ANO2: variants seen among roughly 807,000 people sequenced by gnomAD.
The protein encoded by ANO2 is anoctamin 2.
ANO2 carries 101 observed loss-of-function variants against 124.2 expected under a neutral mutation model. The observed-to-expected ratio is 0.81, with a 90% CI of 0.69 to 0.96. ANO2 has a LOEUF of 0.96. Ranked by LOEUF, ANO2 falls within the 40% of genes least tolerant of loss-of-function variation. The pLI is 0.00. For missense variants in ANO2, 1,293 were observed against 1,274.5 expected (o/e 1.01, Z -0.22); for synonymous variants, 486 against 482.5 (o/e 1.01, Z -0.09).
rs56113538 is a variant in ANO2, at chr12:5,701,087, A to ATTTTT, written c.1545+31428_1545+31432dup. ...TCCTCTAGGATTCTAGTCATTTTCA[A>ATTTTT]TTTTTTTTTTTTTTTTTTTTTTTTG... is the stretch of plus-strand genomic sequence containing the variant. On this transcript the variant is annotated intron_variant, in intron 14 of 24. Transcript: ENST00000682330. Among the ~76,000 whole-genome samples the ATTTTT allele has an allele frequency of 7.9e-3, 739 of 93,564 alleles. 10 individuals carry two copies. Among genetic ancestry groups the ATTTTT allele is most frequent in the Middle Eastern group, 0.011 (1 of 94 alleles). The allele number at this position is 93,564 out of a possible 152,430, so 61.4% of individuals were successfully genotyped here.
chr12:5,765,163 T>C (rs957471748), intron 10 of ANO2, among the ~76,000 whole-genome samples: 2 of 152,154 alleles, frequency 1.3e-5, no homozygotes, highest in Admixed American at 6.5e-5. Flanking sequence ...AATTATACCA[T>C]TTAAGAGAAA....
intron 14 of ANO2, among the ~76,000 whole-genome samples, chr12:5,690,514 C>T (rs879479393): frequency 3.9e-5 from 6 of 152,168 alleles, no homozygotes; most frequent in Non-Finnish European, 7.4e-5. Flanking sequence ...ACAGTGAATG[C>T]CTCCTTTGCT....
chr12:5,922,784 A>G lies in ANO2; in HGVS notation c.43T>C (p.Ser15Pro). The change falls in exon 2 of 25, where the codon TCC (serine) becomes CCC (proline). Residue 15 changes from serine (S) to proline (P), a missense_variant. Coordinates refer to ENST00000682330, the MANE Select transcript of ANO2 (RefSeq NM_001364791.2). The stretch of plus-strand genomic sequence containing the variant: ...GCCTGAGGGCTCAGCCGGCGTGGGG[A>G]GCCAGGGAGCAGGGGTATATCTGTG... ...GPRDIPLLPG[S>P]PRRLSPQAGS... 1 of 1,535,308 alleles carries G rather than the reference A, an allele frequency of 6.5e-7. No individual in the cohort carries two copies.
intron 14 of ANO2, among the ~76,000 whole-genome samples, chr12:5,704,688 G>GGTGT (rs1026475300): frequency 2.3e-5 from 3 of 130,384 alleles, no homozygotes; most frequent in African/African-American, 9.8e-5. Context: ...GTAAGTGCTT[G>GGTGT]GTGTGTGTAT....
chr12:5,922,760 C>A lies in ANO2; in HGVS notation c.67G>T (p.Ala23Ser). The A allele has an allele frequency of 6.4e-7, 1 of 1,563,788 alleles. No homozygotes were observed. The highest frequency in any genetic ancestry group is 1.2e-5 in the South Asian group (1 of 84,686). ...PGSPRRLSPQ[A>S]GSRGGQGPKH... ...GGGCCCTGGCCCCCTCTGGACCCTG[C>A]CTGAGGGCTCAGCCGGCGTGGGGAG... is the stretch of plus-strand genomic sequence containing the variant. The change falls in exon 2 of 25, where the codon GCA (alanine) becomes TCA (serine). Residue 23 changes from alanine to serine, a missense_variant. Ala to Ser is a moderately conservative substitution (Grantham distance 99). Transcript: ENST00000682330.
intron 7 of ANO2, among the ~76,000 whole-genome samples, chr12:5,815,586 T>C (rs1052852108): frequency 6.6e-6 from 1 of 152,238 alleles, no homozygotes; most frequent in Non-Finnish European, 1.5e-5. Flanking sequence ...CAGAAAGATA[T>C]TGCTGTAGGC....
At position 5,635,217 on chromosome 12, in the gene ANO2, TTGA is replaced by T. The variant is rs1565501190; in HGVS notation, c.1748_1750del (p.Ile583del). 2 of 1,611,952 alleles carry T rather than the reference TTGA, an allele frequency of 1.2e-6. No homozygotes were observed. The highest frequency in any genetic ancestry group is 1.7e-5 in the Admixed American group (1 of 59,356). ...GTCCAGGATGAGGATGACCACGAGG[TTGA>T]TGATGACTGCTGTTGCTGTCACTGT... On this transcript the variant is annotated inframe_deletion, in exon 16 of 25. Transcript: ENST00000682330. The surrounding 1 kb of genome is among the most constrained non-coding windows in gnomAD (Gnocchi z 5.2).
At chr12:5,786,369 C>G (rs978701311) in intron 10 of ANO2, among the ~76,000 whole-genome samples, 2 of 152,172 alleles carry the variant, frequency 1.3e-5, no homozygotes, top group African/African-American at 4.8e-5. Context: ...CCTTCTAACT[C>G]CCGGGTCAGT....
intron 23 of ANO2, among the ~76,000 whole-genome samples, chr12:5,569,722 G>A (rs1325212700): frequency 3.9e-5 from 6 of 152,142 alleles, no homozygotes; most frequent in Admixed American, 3.3e-4. Flanking sequence ...ATAGATGTGT[G>A]TGCGTGTGTG....
chr12:5,642,624 G>T (rs1946439912), intron 15 of ANO2, among the ~76,000 whole-genome samples: 1 of 152,082 alleles, frequency 6.6e-6, no homozygotes, highest in Non-Finnish European at 1.5e-5. Flanking sequence ...TCTCACCCCA[G>T]CAGCCAGAAT....
intron 14 of ANO2, among the ~76,000 whole-genome samples, chr12:5,669,962 T>C (rs1947910629): frequency 6.6e-6 from 1 of 152,250 alleles, no homozygotes; most frequent in South Asian, 2.1e-4. Flanking sequence ...ACATGGTTAT[T>C]ACAACCCCAT....
chr12:5,824,849 T>G (rs2137205275), intron 7 of ANO2, among the ~76,000 whole-genome samples: 1 of 152,254 alleles, frequency 6.6e-6, no homozygotes, highest in Non-Finnish European at 1.5e-5. Context: ...GGAAAGGCAC[T>G]TCTTACATGG....
At chr12:5,741,923 C>G (rs1951108814) in intron 12 of ANO2, among the ~76,000 whole-genome samples, 1 of 152,226 alleles carries the variant, frequency 6.6e-6, no homozygotes, top group Non-Finnish European at 1.5e-5. Context: ...AGGAGCAGAA[C>G]TGAGACACAC....
At chr12:5,632,030 A>G (rs1377086266) in intron 16 of ANO2, among the ~76,000 whole-genome samples, 2 of 152,188 alleles carry the variant, frequency 1.3e-5, no homozygotes, top group Non-Finnish European at 2.9e-5. Context: ...GGGGATGACC[A>G]GAGGACAGGA....
intron 4 of ANO2, among the ~76,000 whole-genome samples, chr12:5,837,606 T>C (rs1342681675): frequency 6.6e-6 from 1 of 151,770 alleles, no homozygotes; most frequent in Non-Finnish European, 1.5e-5. Context: ...GATAGTTTAC[T>C]GAGAATGATG....
intron 3 of ANO2, among the ~76,000 whole-genome samples, chr12:5,874,018 A>C (rs1427514970): frequency 6.6e-6 from 1 of 152,244 alleles, no homozygotes; most frequent in Non-Finnish European, 1.5e-5. Context: ...CTCAATGCTC[A>C]GTGCTTTTAC....
chr12:5,741,895 T>C (rs1951107672), intron 12 of ANO2, among the ~76,000 whole-genome samples: 1 of 152,200 alleles, frequency 6.6e-6, no homozygotes. Flanking sequence ...TTACCTGCCA[T>C]GGGATCCCTA....
At position 5,904,666 on chromosome 12, in the gene ANO2, A is replaced by G. The variant is rs1273624479; in HGVS notation, c.534+16374T>C. ...CCACAGCACCCGATGCTCCTTCTCG[A>G]TCTTCAAATTTTGCAGTGTCATCCT... On this transcript the variant is annotated intron_variant, in intron 3 of 24. Transcript: ENST00000682330. The surrounding 1 kb of genome is among the most constrained non-coding windows in gnomAD (Gnocchi z 4.1). 6.6e-6 allele frequency among the ~76,000 whole-genome samples: 1 copy of G among 152,078 alleles called. No individual in the cohort carries two copies. Among genetic ancestry groups the G allele is most frequent in the Non-Finnish European group, 1.5e-5 (1 of 68,006 alleles).
At chr12:5,899,177 C>T (rs1404934468) in intron 3 of ANO2, among the ~76,000 whole-genome samples, 2 of 152,192 alleles carry the variant, frequency 1.3e-5, no homozygotes, top group Non-Finnish European at 2.9e-5. Context: ...CTGGGTGATG[C>T]TTCCAGCTTA....
Sources: allele counts gnomAD v4.1 joint callset (sites outside exome capture counted in the v4.1 genomes callset), GRCh38; gene constraint gnomAD v4.1.1; non-coding constraint Gnocchi (gnomAD v3.1); transcripts MANE v1.5; gene names NCBI Gene and HGNC (gene_info 2026-07-23, HGNC 2026-07-21).